The following RPTOR variants were observed in gnomAD, a reference collection of about 807,000 sequenced individuals.
The protein encoded by RPTOR is regulatory-associated protein of mTOR.
RPTOR carries 21 observed loss-of-function variants against 169.9 expected under a neutral mutation model. That is an observed-to-expected ratio of 0.12 (90% confidence interval 0.09 to 0.18). The LOEUF (loss-of-function observed/expected upper bound fraction) is 0.18. Ranked by LOEUF, RPTOR falls within the 10% of genes least tolerant of loss-of-function variation. The probability of loss-of-function intolerance (pLI) is 1.00; values close to 1 mark genes in which losing one functional copy is unlikely to be tolerated. For missense variants in RPTOR, 1,133 were observed against 1,855.9 expected, an observed-to-expected ratio of 0.61 and a Z score of 7.16; for synonymous variants, 732 against 753.2, an observed-to-expected ratio of 0.97 and a Z score of 0.46.
At chr17:80,928,282 A>G (rs971687820) in intron 24 of RPTOR, among the ~76,000 whole-genome samples, 3 of 152,164 alleles carry the variant, frequency 2.0e-5, no homozygotes, top group African/African-American at 7.2e-5. Flanking sequence ...TCTAGGTGGT[A>G]TTCATAAAGG....
chr17:80,581,953 G>A (rs578009808), intron 1 of RPTOR, among the ~76,000 whole-genome samples: 1 of 152,338 alleles, frequency 6.6e-6, no homozygotes, highest in South Asian at 2.1e-4. Context: ...AGAGGGCTGG[G>A]GATGTTGAAG....
intron 11 of RPTOR, among the ~76,000 whole-genome samples, chr17:80,852,526 G>A (rs1179401476): frequency 6.6e-6 from 1 of 152,110 alleles, no homozygotes; most frequent in Non-Finnish European, 1.5e-5. Flanking sequence ...CGGGGAACCT[G>A]CCACTCCTGG....
chr17:80,582,541 CTTTTT>C (rs5822359), intron 1 of RPTOR, among the ~76,000 whole-genome samples: 36 of 86,818 alleles, frequency 4.1e-4, no homozygotes, highest in Admixed American at 6.6e-4. Context: ...GACAAATGGG[CTTTTT>C]TTTTTTTTTT....
intron 9 of RPTOR, among the ~76,000 whole-genome samples, chr17:80,825,859 C>T (rs1270695243): frequency 2.0e-5 from 3 of 152,176 alleles, no homozygotes; most frequent in Admixed American, 6.5e-5. Flanking sequence ...CGTGTCCTCC[C>T]GCTTCCCTTT....
intron 11 of RPTOR, among the ~76,000 whole-genome samples, chr17:80,849,989 A>G (rs1235644946): frequency 6.6e-6 from 1 of 152,242 alleles, no homozygotes; most frequent in Admixed American, 6.5e-5. Context: ...AGAGGGGAGA[A>G]AGTGACTTTT....
intron 21 of RPTOR, among the ~76,000 whole-genome samples, chr17:80,915,968 A>G (rs971379500): frequency 2.0e-5 from 3 of 152,146 alleles, no homozygotes; most frequent in Non-Finnish European, 4.4e-5. Flanking sequence ...GCCTCCGGAG[A>G]GGAGCTACCA....
Position 80,545,425 on chromosome 17 carries a change from C to G in RPTOR, c.-205C>G. ...CTTGGGCTGCCCCATTTCCTAGCGG[C>G]CCCCACCTCCCCACTTCCCGCTCAG... On this transcript the variant is annotated 5_prime_UTR_variant, in exon 1 of 34. Coordinates refer to ENST00000306801, the MANE Select transcript of RPTOR (RefSeq NM_020761.3). 2.2e-6 allele frequency: 1 copy of G among 460,646 alleles called. No homozygotes were observed. Among genetic ancestry groups the G allele is most frequent in the South Asian group, 3.7e-5 (1 of 26,870 alleles). The allele number at this position is 460,646 out of a possible 1,614,324, so 28.5% of individuals were successfully genotyped here. A position where few individuals can be genotyped will look rare whatever the true frequency, so the allele number is the denominator to read the frequency against.
chr17:80,571,966 A>G (rs1315916413), intron 1 of RPTOR, among the ~76,000 whole-genome samples: 2 of 152,232 alleles, frequency 1.3e-5, no homozygotes, highest in Non-Finnish European at 2.9e-5. Flanking sequence ...GGATAGAGTA[A>G]CTATTTTAAA....
intron 3 of RPTOR, among the ~76,000 whole-genome samples, chr17:80,702,765 G>C (rs557098191): frequency 6.6e-6 from 1 of 152,266 alleles, no homozygotes; most frequent in East Asian, 1.9e-4. Context: ...TAATTTTATT[G>C]GTGTCCCTGA....
intron 5 of RPTOR, chr17:80,743,567 C>A: frequency 4.2e-6 from 2 of 480,320 alleles, no homozygotes; most frequent in Non-Finnish European, 2.7e-6. Flanking sequence ...CCTGCGTGGG[C>A]TAGAAATCAT....
intron 1 of RPTOR, among the ~76,000 whole-genome samples, chr17:80,579,573 T>C (rs542135862): frequency 5.9e-5 from 9 of 152,184 alleles, no homozygotes; most frequent in Non-Finnish European, 1.3e-4. Context: ...CACGTCACGA[T>C]GGCTGGAGGC....
At chr17:80,880,277 A>T in intron 13 of RPTOR, 138 bp from the exon 14 acceptor site, 1 of 741,080 alleles carries the variant, frequency 1.3e-6, no homozygotes, top group South Asian at 1.6e-5. Flanking sequence ...CTGTTTTTCA[A>T]ATGAAAACTG....
At chr17:80,685,614 TA>T (rs2065934815) in intron 3 of RPTOR, among the ~76,000 whole-genome samples, 8 of 21,546 alleles carry the variant, frequency 3.7e-4, no homozygotes, top group Admixed American at 4.6e-4. Context: ...TATATATATA[TA>T]TATATATATA....
chr17:80,774,434 G>A (rs555164634), intron 6 of RPTOR: 11 of 826,218 alleles, frequency 1.3e-5, no homozygotes, highest in East Asian at 1.2e-4. Context: ...CAAAGCAGAC[G>A]TAGTGCATAA....
At chr17:80,949,331 G>A (rs1194389763) in intron 27 of RPTOR, 112 bp from the exon 28 acceptor site, 3 of 909,794 alleles carry the variant, frequency 3.3e-6, no homozygotes, top group Middle Eastern at 2.3e-4. Context: ...CAGGCTGGCC[G>A]CCCAGGGTCA....
intron 4 of RPTOR, among the ~76,000 whole-genome samples, chr17:80,727,181 C>A (rs762009166): frequency 1.1e-4 from 17 of 147,922 alleles, no homozygotes; most frequent in Middle Eastern, 3.9e-3. Context: ...GCACCTCTGA[C>A]CACGTCACGC....
At chr17:80,626,502 T>C (rs569634663) in intron 2 of RPTOR, among the ~76,000 whole-genome samples, 1 of 152,258 alleles carries the variant, frequency 6.6e-6, no homozygotes, top group South Asian at 2.1e-4. Flanking sequence ...TAATGGATCA[T>C]GGCCCATAAT....
chr17:80,816,520 G>A (rs533166479), intron 7 of RPTOR, among the ~76,000 whole-genome samples: 6 of 152,358 alleles, frequency 3.9e-5, no homozygotes, highest in South Asian at 2.1e-4. Context: ...GCGCCTTGTC[G>A]TGAGACCTGG....
chr17:80,618,930 G>A (rs2065334125), intron 1 of RPTOR, among the ~76,000 whole-genome samples: 1 of 152,180 alleles, frequency 6.6e-6, no homozygotes, highest in Admixed American at 6.5e-5. Flanking sequence ...GGATGGAAGT[G>A]AGGGGCAAAC....
Sources: allele counts gnomAD v4.1 joint callset (sites outside exome capture counted in the v4.1 genomes callset), GRCh38; gene constraint gnomAD v4.1.1; transcripts MANE v1.5; gene names NCBI Gene and HGNC (gene_info 2026-07-23, HGNC 2026-07-21).